FBLN7: variants seen among roughly 807,000 people sequenced by gnomAD.
FBLN7 encodes fibulin 7, also known as fibulin-7.
Under a neutral mutation model 44.0 loss-of-function variants are expected in FBLN7, and 31 were observed. The observed-to-expected ratio is 0.70, with a 90% CI of 0.53 to 0.95. The LOEUF is 0.95. Ranked by LOEUF, FBLN7 falls within the 40% of genes least tolerant of loss-of-function variation. The pLI is 0.00. For missense variants in FBLN7, 573 were observed against 618.5 expected, an observed-to-expected ratio of 0.93 and a Z score of 0.78; for synonymous variants, 262 against 253.4, an observed-to-expected ratio of 1.03 and a Z score of -0.32.
chr2:112,217,171 C>G, the FBLN7 span, among the ~76,000 whole-genome samples: 5 of 152,082 alleles, frequency 3.3e-5, no homozygotes, highest in African/African-American at 9.7e-5. Flanking sequence ...GAGTTCGAGA[C>G]CAGCCTGGCC....
chr2:112,188,332 G>A (rs912987756), downstream of FBLN7: 2 of 152,238 alleles, frequency 1.3e-5, no homozygotes, highest in African/African-American at 4.8e-5. Context: ...GAACACAGAG[G>A]TGATGTTTGG....
the FBLN7 span, among the ~76,000 whole-genome samples, chr2:112,225,951 G>A: frequency 1.5e-4 from 23 of 151,512 alleles, no homozygotes; most frequent in Middle Eastern, 0.017. Flanking sequence ...GTGTGGTGGC[G>A]CACACCTGTA....
chr2:112,139,192 C>A (rs1334063092), intron 1 of FBLN7, among the ~76,000 whole-genome samples: 1 of 49,878 alleles, frequency 2.0e-5, no homozygotes. Flanking sequence ...AGTGTCCCTC[C>A]CGCCTCTCTC....
chr2:112,238,747 T>C, the FBLN7 span, among the ~76,000 whole-genome samples: 1 of 152,106 alleles, frequency 6.6e-6, no homozygotes, highest in Non-Finnish European at 1.5e-5. Context: ...AACAAACCAC[T>C]ATGACATATC....
At chr2:112,161,736 C>G (rs187590090) in intron 2 of FBLN7, among the ~76,000 whole-genome samples, 1 of 152,272 alleles carries the variant, frequency 6.6e-6, no homozygotes, top group Admixed American at 6.5e-5. Context: ...TTACATTATT[C>G]ATCCTCCTTC....
At chr2:112,147,940 A>C (rs978795598) in intron 1 of FBLN7, among the ~76,000 whole-genome samples, 2 of 152,042 alleles carry the variant, frequency 1.3e-5, no homozygotes, top group African/African-American at 4.8e-5. Context: ...TACAGTTGGG[A>C]GCAAGGCCAG....
intron 7 of FBLN7, 27 bp downstream of exon 7, chr2:112,185,366 C>G (rs747414420): frequency 5.2e-5 from 83 of 1,601,734 alleles, no homozygotes; most frequent in Non-Finnish European, 7.0e-5. Flanking sequence ...GAGGCACACC[C>G]TCACCCAGGC....
At chr2:112,240,952 AGTGTGTGTGTGTGT>A in the FBLN7 span, among the ~76,000 whole-genome samples, 5 of 142,602 alleles carry the variant, frequency 3.5e-5, no homozygotes, top group Admixed American at 1.4e-4. Context: ...TACAGGTAAC[AGTGTGTGTGTGTGT>A]GTGTGTGTGT....
the FBLN7 span, among the ~76,000 whole-genome samples, chr2:112,194,746 G>A: frequency 6.6e-6 from 1 of 152,202 alleles, no homozygotes; most frequent in Non-Finnish European, 1.5e-5. Flanking sequence ...CATGCAACCT[G>A]GCTTCCCGTC....
At chr2:112,164,874 A>G in intron 2 of FBLN7, 127 bp from the exon 3 acceptor site, 1 of 1,025,090 alleles carries the variant, frequency 9.8e-7, no homozygotes, top group East Asian at 2.6e-5. Context: ...AATGACCAGC[A>G]CAGTGCACAG....
intron 1 of FBLN7, among the ~76,000 whole-genome samples, chr2:112,147,892 G>T (rs770218889): frequency 7.9e-5 from 12 of 152,104 alleles, no homozygotes; most frequent in Non-Finnish European, 1.8e-4. Context: ...TCGTAGGTGG[G>T]GGGTCTGCTG....
chr2:112,160,807 C>T (rs1228258210), intron 2 of FBLN7, among the ~76,000 whole-genome samples: 1 of 148,836 alleles, frequency 6.7e-6, no homozygotes. Context: ...CACGCACGCA[C>T]ACACACGCAC....
intron 1 of FBLN7, among the ~76,000 whole-genome samples, chr2:112,156,809 A>G (rs993725229): frequency 6.6e-6 from 1 of 152,218 alleles, no homozygotes; most frequent in Non-Finnish European, 1.5e-5. Flanking sequence ...TGTCAAAAGC[A>G]TCCATTCAGT....
intron 1 of FBLN7, among the ~76,000 whole-genome samples, chr2:112,156,394 G>C (rs1681425054): frequency 6.6e-6 from 1 of 152,198 alleles, no homozygotes; most frequent in Non-Finnish European, 1.5e-5. Context: ...GACAAGCCCC[G>C]TTTCTCCACG....
At chr2:112,204,417 ACT>A in the FBLN7 span, among the ~76,000 whole-genome samples, 3 of 152,032 alleles carry the variant, frequency 2.0e-5, no homozygotes, top group African/African-American at 7.2e-5. Context: ...AAGGCAGGAA[ACT>A]CCCCAAATCT....
intron 3 of FBLN7, among the ~76,000 whole-genome samples, chr2:112,172,603 G>A (rs1235638999): frequency 1.3e-5 from 2 of 149,226 alleles, no homozygotes; most frequent in East Asian, 2.0e-4. Flanking sequence ...TCTCAGGTAT[G>A]GAATTCACCT....
At chr2:112,225,125 T>C in the FBLN7 span, among the ~76,000 whole-genome samples, 1 of 152,252 alleles carries the variant, frequency 6.6e-6, no homozygotes, top group Non-Finnish European at 1.5e-5. Flanking sequence ...TGTATTGATC[T>C]TGTTTCCTGA....
intron 3 of FBLN7, among the ~76,000 whole-genome samples, chr2:112,173,058 G>C (rs75278357): frequency 0.023 from 3,463 of 152,284 alleles, 126 homozygotes; most frequent in African/African-American, 0.078. Context: ...AGTCCAAACT[G>C]TGCACAACAA....
rs1248745545 is a variant in FBLN7 at position 112,187,580 on chromosome 2, A to C, written c.*74A>C. On this transcript the variant is annotated 3_prime_UTR_variant, in exon 8 of 8. Transcript: ENST00000331203. The surrounding 1 kb of genome is among the most constrained non-coding windows in gnomAD (Gnocchi z 5.1). The stretch of plus-strand genomic sequence containing the variant: ...CCCGAAGGCTCAGCTTCGGGCACCG[A>C]CTGCGTGGAGCCTCCCGCCTGTTCC... 2 of 1,559,528 alleles carry C rather than the reference A, an allele frequency of 1.3e-6. No individual in the cohort carries two copies. The highest frequency in any genetic ancestry group is 1.7e-4 in the Middle Eastern group (1 of 5,806).
Sources: allele counts gnomAD v4.1 joint callset (sites outside exome capture counted in the v4.1 genomes callset), GRCh38; gene constraint gnomAD v4.1.1; non-coding constraint Gnocchi (gnomAD v3.1); transcripts MANE v1.5; gene names NCBI Gene and HGNC (gene_info 2026-07-23, HGNC 2026-07-21).